Variants in EPHA6 observed in about 807,000 individuals in gnomAD.
EPHA6 encodes the protein EPH receptor A6.
A neutral mutation model predicts 112.0 loss-of-function variants in EPHA6; 50 were observed. The observed-to-expected ratio is 0.45, with a 90% CI of 0.36 to 0.56. The LOEUF (loss-of-function observed/expected upper bound fraction) is 0.56, where lower values mean the gene tolerates loss of function less well. EPHA6 is among the 20% of genes least tolerant of loss of function. EPHA6 has a pLI of 0.00. For synonymous variants in EPHA6, 529 were observed against 490.7 expected, an observed-to-expected ratio of 1.08 and a Z score of -1.03; for missense variants, 1,280 against 1,417.4, an observed-to-expected ratio of 0.90 and a Z score of 1.56.
intron 14 of EPHA6, among the ~76,000 whole-genome samples, chr3:97,651,925 T>C (rs2107610015): frequency 6.6e-6 from 1 of 152,104 alleles, no homozygotes; most frequent in Non-Finnish European, 1.5e-5. Flanking sequence ...CTAGTGTCAC[T>C]AAAGTTTGGT....
intron 6 of EPHA6, among the ~76,000 whole-genome samples, chr3:97,416,686 T>G (rs1431790821): frequency 1.3e-5 from 2 of 152,162 alleles, no homozygotes; most frequent in Non-Finnish European, 2.9e-5. Context: ...ACATGTGTAA[T>G]GTTTAGCACT....
At chr3:97,656,397 A>G (rs1157052543) in intron 14 of EPHA6, among the ~76,000 whole-genome samples, 1 of 151,894 alleles carries the variant, frequency 6.6e-6, no homozygotes, top group Non-Finnish European at 1.5e-5. Context: ...TCTAATACCT[A>G]TTCCTCAGTG....
intron 5 of EPHA6, among the ~76,000 whole-genome samples, chr3:97,287,481 CA>C (rs1216258960): frequency 6.6e-6 from 1 of 150,392 alleles, no homozygotes; most frequent in Non-Finnish European, 1.5e-5. Flanking sequence ...AAAAAAAAAA[CA>C]AACAAAACAA....
chr3:96,818,915 T>A (rs1407709869), intron 1 of EPHA6, among the ~76,000 whole-genome samples: 1 of 151,856 alleles, frequency 6.6e-6, no homozygotes, highest in African/African-American at 2.4e-5. Flanking sequence ...AAATACAACT[T>A]AGAATATAAT....
intron 5 of EPHA6, among the ~76,000 whole-genome samples, chr3:97,352,029 T>C (rs2083841159): frequency 6.6e-6 from 1 of 152,174 alleles, no homozygotes; most frequent in Non-Finnish European, 1.5e-5. Context: ...ATACACAGTC[T>C]AGAATTTTAT....
At position 97,150,394 on chromosome 3, in the gene EPHA6, A is replaced by G. The variant is rs1167901654; in HGVS notation, c.1115-75870A>G. 2.6e-5 allele frequency among the ~76,000 whole-genome samples: 4 copies of G among 152,248 alleles called. No homozygotes were observed. The East Asian group carries it at 5.8e-4, about 22-fold the overall frequency. ...AGTGTCTTCCTGTAGAGTAAAGGAC[A>G]TGTTTGCTTACAGTACAGTAAAATA... On this transcript the variant is annotated intron_variant, in intron 3 of 17. Transcript: ENST00000389672.
At chr3:97,036,996 A>G (rs538217966) in intron 3 of EPHA6, among the ~76,000 whole-genome samples, 10 of 152,110 alleles carry the variant, frequency 6.6e-5, no homozygotes, top group African/African-American at 2.4e-4. Context: ...GAGAGGTTCA[A>G]AAGGTCAGAC....
intron 5 of EPHA6, among the ~76,000 whole-genome samples, chr3:97,277,478 G>A (rs973464232): frequency 2.6e-5 from 4 of 152,086 alleles, no homozygotes; most frequent in African/African-American, 4.8e-5. Context: ...GTTAAGGCAG[G>A]AACCCGCCAT....
intron 14 of EPHA6, among the ~76,000 whole-genome samples, chr3:97,712,648 G>A (rs1452943512): frequency 6.6e-6 from 1 of 152,184 alleles, no homozygotes; most frequent in African/African-American, 2.4e-5. Context: ...CTCACTTAAT[G>A]ATGTAGCACC....
chr3:97,760,690 A>C lies in EPHA6; in HGVS notation c.*11989A>C, dbSNP rs1242843574. 2.2e-5 allele frequency: 4 copies of C among 180,896 alleles called. No homozygotes were observed. Among genetic ancestry groups the C allele is most frequent in the Non-Finnish European group, 4.7e-5 (4 of 84,654 alleles). 11.2% of individuals were successfully genotyped at this position (180,896 alleles called of 1,614,324 possible). On this transcript the variant is annotated 3_prime_UTR_variant, in exon 18 of 18. Transcript: ENST00000389672. ...AAAATCTTTGTAGCACAAATCCTGA[A>C]GTATATGCAAACTAAATAGCATATT...
chr3:97,610,267 C>T (rs541293747), intron 12 of EPHA6, among the ~76,000 whole-genome samples: 1 of 151,506 alleles, frequency 6.6e-6, no homozygotes, highest in Non-Finnish European at 1.5e-5. Flanking sequence ...TGCTTAAAGG[C>T]CCTTAAAATC....
At chr3:97,012,097 G>A (rs555579145) in intron 3 of EPHA6, among the ~76,000 whole-genome samples, 13 of 152,208 alleles carry the variant, frequency 8.5e-5, no homozygotes, top group African/African-American at 3.1e-4. Flanking sequence ...GTTTGATATT[G>A]TAAATAATGC....
chr3:97,481,178 G>T, intron 9 of EPHA6: 4 of 986,162 alleles, frequency 4.1e-6, no homozygotes, highest in South Asian at 3.8e-5. Context: ...CACTCCAGCC[G>T]AACAATTTCC....
intron 13 of EPHA6, among the ~76,000 whole-genome samples, chr3:97,616,325 G>C (rs1422786059): frequency 1.3e-5 from 2 of 152,164 alleles, no homozygotes; most frequent in African/African-American, 4.8e-5. Flanking sequence ...TGATGAGAAA[G>C]AATCAGTGCA....
chr3:96,991,172 T>G (rs1032834921), intron 3 of EPHA6, among the ~76,000 whole-genome samples: 3 of 152,158 alleles, frequency 2.0e-5, no homozygotes, highest in Admixed American at 2.0e-4. Flanking sequence ...ATTGATATTT[T>G]TGAGCATTTA....
Position 96,987,359 on chromosome 3 carries a change from T to C in EPHA6, c.480T>C (p.His160=). The change falls in exon 3 of 18, where the codon CAT becomes CAC. Residue 160 remains histidine, a synonymous_variant. Coordinates refer to ENST00000389672, the MANE Select transcript of EPHA6 (RefSeq NM_001080448.3). The part of the protein sequence containing the change: ...GWDAITEMDE[H]NRPIHTYQVC... ...ATGCCATCACTGAAATGGATGAACA[T>C]AATAGGCCCATTCACACATACCAGG... 1 of 1,612,890 alleles carries C rather than the reference T, an allele frequency of 6.2e-7. No homozygotes were observed. Among genetic ancestry groups the C allele is most frequent in the East Asian group, 2.2e-5 (1 of 44,844 alleles).
chr3:97,361,000 T>C (rs2084343120), intron 5 of EPHA6, among the ~76,000 whole-genome samples: 1 of 152,184 alleles, frequency 6.6e-6, no homozygotes, highest in Admixed American at 6.5e-5. Flanking sequence ...ATCAATTGGA[T>C]GTGCCCTTTT....
intron 6 of EPHA6, among the ~76,000 whole-genome samples, chr3:97,416,301 AC>A (rs1176638809): frequency 6.6e-6 from 1 of 152,102 alleles, no homozygotes; most frequent in African/African-American, 2.4e-5. Flanking sequence ...TAAATCCAAG[AC>A]TTTTTGGCAA....
Position 97,108,191 on chromosome 3 carries a change from G to C in EPHA6, c.1115-118073G>C, listed in dbSNP as rs190036710. 2.9e-3 allele frequency among the ~76,000 whole-genome samples: 443 copies of C among 152,258 alleles called. 4 individuals are homozygous for C. Among genetic ancestry groups the C allele is most frequent in the South Asian group, 0.022 (105 of 4,824 alleles). ...GTTACCCACCACAGGAAGTAGTAGAGAAAGAGTGTTAGGGGAAAGTCAGTG... is the reference window on the plus strand; with the variant it reads ...GTTACCCACCACAGGAAGTAGTAGACAAAGAGTGTTAGGGGAAAGTCAGTG... On this transcript the variant is annotated intron_variant, in intron 3 of 17. Transcript: ENST00000389672.
Sources: allele counts gnomAD v4.1 joint callset (sites outside exome capture counted in the v4.1 genomes callset), GRCh38; gene constraint gnomAD v4.1.1; transcripts MANE v1.5; gene names NCBI Gene and HGNC (gene_info 2026-07-23, HGNC 2026-07-21).